Variants in CDK19 observed in about 807,000 individuals in gnomAD.
The protein encoded by CDK19 is cyclin dependent kinase 19, also known as cyclin-dependent kinase 19.
CDK19 carries 20 observed loss-of-function variants against 68.3 expected under a neutral mutation model. The ratio of observed to expected loss-of-function variants is 0.29; its 90% CI spans 0.21 to 0.43. The LOEUF is 0.43. CDK19 is among the 20% of genes least tolerant of loss of function. The pLI, the probability that CDK19 is intolerant of heterozygous loss-of-function variation, is 1.00. For missense variants in CDK19, 339 were observed against 623.5 expected (o/e 0.54, Z 4.86); for synonymous variants, 221 against 222.8 (o/e 0.99, Z 0.07).
At chr6:110,670,665 A>G in intron 2 of CDK19, 124 bp from the exon 3 acceptor site, 1 of 668,372 alleles carries the variant, frequency 1.5e-6, no homozygotes, top group South Asian at 1.7e-5. Flanking sequence ...AAAATGAAAG[A>G]AAAAAATACC....
At chr6:110,679,941 T>C (rs946329625) in intron 2 of CDK19, among the ~76,000 whole-genome samples, 1 of 152,116 alleles carries the variant, frequency 6.6e-6, no homozygotes, top group African/African-American at 2.4e-5. Context: ...AATAAATATT[T>C]GTCAAATAAA....
At chr6:110,772,787 G>A (rs1342115602) in intron 1 of CDK19, among the ~76,000 whole-genome samples, 1 of 151,812 alleles carries the variant, frequency 6.6e-6, no homozygotes, top group Non-Finnish European at 1.5e-5. Context: ...CAGCTACTTG[G>A]GAGGCTGAAG....
chr6:110,617,426 C>T (rs1778386390), intron 12 of CDK19, among the ~76,000 whole-genome samples: 1 of 152,014 alleles, frequency 6.6e-6, no homozygotes, highest in South Asian at 2.1e-4. Context: ...TCAGATCATA[C>T]CCCTTCTGTC....
intron 5 of CDK19, among the ~76,000 whole-genome samples, chr6:110,634,737 T>C (rs2114726209): frequency 6.6e-6 from 1 of 152,362 alleles, no homozygotes; most frequent in South Asian, 2.1e-4. Flanking sequence ...TTCAAGGCAC[T>C]GTTTTATATA....
intron 2 of CDK19, among the ~76,000 whole-genome samples, chr6:110,708,950 C>A (rs1774729600): frequency 6.6e-6 from 1 of 152,162 alleles, no homozygotes; most frequent in South Asian, 2.1e-4. Flanking sequence ...TCCAGCAGCA[C>A]ATCAAAAAGC....
intron 1 of CDK19, chr6:110,814,688 T>C (rs1248743497): frequency 3.6e-6 from 2 of 552,854 alleles, no homozygotes; most frequent in East Asian, 4.4e-5. Context: ...CCCAAGAGAC[T>C]AGACCCCACA....
intron 1 of CDK19, among the ~76,000 whole-genome samples, chr6:110,780,356 C>T (rs1227364232): frequency 2.0e-5 from 3 of 147,548 alleles, no homozygotes; most frequent in African/African-American, 5.0e-5. Context: ...CACCACTGCA[C>T]TCCAGCCTGA....
At chr6:110,798,605 A>G (rs1190556384) in intron 1 of CDK19, among the ~76,000 whole-genome samples, 2 of 148,870 alleles carry the variant, frequency 1.3e-5, no homozygotes, top group Admixed American at 1.3e-4. Context: ...AGCCTGGGCA[A>G]CAAGAGTGAG....
intron 2 of CDK19, among the ~76,000 whole-genome samples, chr6:110,674,721 T>C (rs559870170): frequency 5.9e-5 from 9 of 151,824 alleles, no homozygotes; most frequent in African/African-American, 2.2e-4. Flanking sequence ...ACCAACATGG[T>C]GAAACCCCGT....
intron 4 of CDK19, among the ~76,000 whole-genome samples, chr6:110,651,410 T>G (rs1780964581): frequency 6.6e-6 from 1 of 152,140 alleles, no homozygotes; most frequent in Non-Finnish European, 1.5e-5. Flanking sequence ...GTATTGCTTA[T>G]AATTAGAGAA....
At chr6:110,682,763 A>G (rs1308432560) in intron 2 of CDK19, among the ~76,000 whole-genome samples, 1 of 152,236 alleles carries the variant, frequency 6.6e-6, no homozygotes, top group African/African-American at 2.4e-5. Context: ...TCTTACTAGC[A>G]GCAGTTAAGA....
At chr6:110,788,928 T>C (rs1195004741) in intron 1 of CDK19, among the ~76,000 whole-genome samples, 1 of 152,196 alleles carries the variant, frequency 6.6e-6, no homozygotes, top group Non-Finnish European at 1.5e-5. Flanking sequence ...ATGGGTGCCA[T>C]GGTGTTATTC....
chr6:110,693,353 A>G (rs546025056), intron 2 of CDK19, among the ~76,000 whole-genome samples: 45 of 152,382 alleles, frequency 3.0e-4, no homozygotes, highest in African/African-American at 1.1e-3. Flanking sequence ...ATTTAGCTTT[A>G]CCTAGAGCCG....
At chr6:110,748,282 A>G (rs1345226628) in intron 1 of CDK19, among the ~76,000 whole-genome samples, 7 of 152,210 alleles carry the variant, frequency 4.6e-5, no homozygotes, top group Non-Finnish European at 7.3e-5. Flanking sequence ...CATCAAATTA[A>G]TGGCTTTTGA....
At chr6:110,670,573 T>C (rs779717730) in intron 2 of CDK19, 32 bp from the exon 3 acceptor site, 18 of 1,266,492 alleles carry the variant, frequency 1.4e-5, no homozygotes, top group South Asian at 2.4e-5. Flanking sequence ...GGGTCACTGT[T>C]GTGTTAGCAA....
rs942777281 is a variant in CDK19, at chr6:110,807,088, C to T, written c.128+7921G>A. On this transcript the variant is annotated intron_variant, in intron 1 of 12. Coordinates refer to ENST00000368911, the MANE Select transcript of CDK19 (RefSeq NM_015076.5). Reference sequence around the variant, plus strand: ...GTCAAGGTAGGAGGATTACTTGAGGCCAGGAGTTCAAGACCAGACTGAGAG... The same window carrying T: ...GTCAAGGTAGGAGGATTACTTGAGGTCAGGAGTTCAAGACCAGACTGAGAG... Among the ~76,000 whole-genome samples, 8 of 151,508 alleles carry T rather than the reference C, an allele frequency of 5.3e-5. No individual in the cohort carries two copies. In the East Asian group the frequency reaches 1.5e-3, roughly 29 times the overall value.
At chr6:110,733,222 T>C (rs1776896212) in intron 2 of CDK19, among the ~76,000 whole-genome samples, 1 of 152,236 alleles carries the variant, frequency 6.6e-6, no homozygotes, top group Non-Finnish European at 1.5e-5. Context: ...ATTTTGTATC[T>C]GGCTTCTTTT....
At chr6:110,707,489 T>A (rs894451956) in intron 2 of CDK19, among the ~76,000 whole-genome samples, 17 of 152,126 alleles carry the variant, frequency 1.1e-4, no homozygotes, top group Non-Finnish European at 2.5e-4. Context: ...ATATCATCTA[T>A]CTGTATATGC....
chr6:110,670,163 C>T (rs868747442), intron 3 of CDK19, among the ~76,000 whole-genome samples: 22 of 150,554 alleles, frequency 1.5e-4, no homozygotes, highest in Admixed American at 1.2e-3. Flanking sequence ...CTTCCCCGTT[C>T]GTCTCCCCCG....
Sources: gnomAD v4.1 joint callset for allele counts (sites outside exome capture counted in the v4.1 genomes callset) on GRCh38, gnomAD v4.1.1 for gene constraint, MANE v1.5 for transcripts, NCBI Gene and HGNC (gene_info 2026-07-23, HGNC 2026-07-21) for gene names.